Variants in IQGAP3 observed in about 807,000 individuals in gnomAD.
The protein encoded by IQGAP3 is ras GTPase-activating-like protein IQGAP3.
Under a neutral mutation model 208.2 loss-of-function variants are expected in IQGAP3, and 165 were observed. The ratio of observed to expected loss-of-function variants is 0.79; its 90% confidence interval spans 0.70 to 0.90. IQGAP3 has a LOEUF of 0.90. Among genes scored for constraint, IQGAP3 ranks in the 40% least tolerant of loss-of-function variants. IQGAP3 has a pLI of 0.00. For missense variants in IQGAP3, 1,811 were observed against 2,043.1 expected (o/e 0.89, Z 2.19); for synonymous variants, 703 against 803.6 (o/e 0.87, Z 2.12).
intron 25 of IQGAP3, 85 bp downstream of exon 25, chr1:156,539,289 C>A: frequency 7.5e-7 from 1 of 1,325,040 alleles, no homozygotes; most frequent in Non-Finnish European, 1.1e-6. Flanking sequence ...CCTTAGGCCT[C>A]AACAAGTTGT....
At chr1:156,526,696 T>A in intron 37 of IQGAP3, 97 bp from the exon 38 acceptor site, 1 of 793,838 alleles carries the variant, frequency 1.3e-6, no homozygotes, top group Non-Finnish European at 2.2e-6. Flanking sequence ...CCTTCTGCAG[T>A]CACCAGTGGC....
Position 156,561,848 on chromosome 1 carries a change from T to C in IQGAP3, c.1031A>G (p.Gln344Arg), listed in dbSNP as rs1399332324. 4 of 1,613,994 alleles carry C rather than the reference T, an allele frequency of 2.5e-6. No individual in the cohort carries two copies. Among genetic ancestry groups the C allele is most frequent in the Non-Finnish European group, 3.4e-6 (4 of 1,179,990 alleles). The change falls in exon 10 of 38, where the codon CAG (glutamine) becomes CGG (arginine). Residue 344 changes from glutamine to arginine, a missense_variant. Transcript: ENST00000361170. ...TAGACAGAGGCTAACCTGTGCCTTCTGCTCTCTGTCTGAGTTCAGCTGCTC... is the reference window on the plus strand; with the variant it reads ...TAGACAGAGGCTAACCTGTGCCTTCCGCTCTCTGTCTGAGTTCAGCTGCTC... ...YLEQLNSDREQKAQELGLVEL... is the reference protein window; with the variant it reads ...YLEQLNSDRERKAQELGLVEL...
intron 19 of IQGAP3, among the ~76,000 whole-genome samples, chr1:156,545,171 C>G (rs375237901): frequency 6.6e-6 from 1 of 152,164 alleles, no homozygotes; most frequent in Non-Finnish European, 1.5e-5. Flanking sequence ...AGGGCCCAAC[C>G]GACGTCTGCA....
At chr1:156,565,555 A>T (rs1386646515) in intron 4 of IQGAP3, among the ~76,000 whole-genome samples, 1 of 152,234 alleles carries the variant, frequency 6.6e-6, no homozygotes, top group Non-Finnish European at 1.5e-5. Context: ...TCTTCCTGAC[A>T]ACACTGTAAG....
intron 19 of IQGAP3, among the ~76,000 whole-genome samples, chr1:156,546,797 C>A (rs754957558): frequency 6.6e-6 from 1 of 152,164 alleles, no homozygotes; most frequent in Non-Finnish European, 1.5e-5. Context: ...TCAATTACCC[C>A]CCAACACCCT....
rs10611202 is a variant in IQGAP3 at position 156,525,729 on chromosome 1, C to CAAAAAAAAAAAA, written c.*745_*756dup. 4 of 80,406 alleles carry CAAAAAAAAAAAA rather than the reference C, an allele frequency of 5.0e-5. No homozygotes were observed. The highest frequency in any genetic ancestry group is 1.6e-4 in the Admixed American group (1 of 6,084). The allele number at this position is 80,406 out of a possible 1,614,324, so 5.0% of individuals were successfully genotyped here. A position where few individuals can be genotyped will look rare whatever the true frequency, so the allele number is the denominator to read the frequency against. On this transcript the variant is annotated 3_prime_UTR_variant, in exon 38 of 38. Transcript: ENST00000361170. ...GGAAAATGAGAACTCTCTTTGAGCT[C>CAAAAAAAAAAAA]AAAAAAAAAAAAAAAAAAAAAAAAA...
intron 37 of IQGAP3, 77 bp from the exon 38 acceptor site, chr1:156,526,676 C>T (rs1674081009): frequency 2.1e-6 from 2 of 945,616 alleles, no homozygotes; most frequent in Non-Finnish European, 3.4e-6. Context: ...AAAACACTCA[C>T]ATCATGGGGC....
intron 33 of IQGAP3, among the ~76,000 whole-genome samples, chr1:156,530,698 T>C (rs1444915897): frequency 6.6e-6 from 1 of 152,220 alleles, no homozygotes; most frequent in Non-Finnish European, 1.5e-5. Context: ...CTGTCTGTTC[T>C]GTTTTGGGAC....
At chr1:156,541,454 T>A (rs892837861) in intron 22 of IQGAP3, among the ~76,000 whole-genome samples, 1 of 152,078 alleles carries the variant, frequency 6.6e-6, no homozygotes, top group African/African-American at 2.4e-5. Context: ...GTGATTCTCC[T>A]TGAATCACCT....
In IQGAP3 at chr1:156,533,057, C is replaced by G; in HGVS notation, c.4026G>C (p.Val1342=). The change falls in exon 32 of 38, where the codon GTG becomes GTC. Residue 1342 remains valine (V), a synonymous_variant. Coordinates refer to ENST00000361170, the MANE Select transcript of IQGAP3 (RefSeq NM_178229.5). ...CAAACTTGTTGGTCAGCGTCAGGGA[C>G]ACTTCTAGCTTGCTCAGGTCCGTGT... The part of the protein sequence containing the change: ...DGHTDLSKLE[V]SLTLTNKFEG... 1.2e-6 allele frequency: 2 copies of G among 1,614,092 alleles called. No homozygotes were observed. The highest frequency in any genetic ancestry group is 2.7e-5 in the African/African-American group (2 of 75,028).
intron 19 of IQGAP3, 139 bp from the exon 20 acceptor site, chr1:156,544,611 G>A: frequency 1.4e-6 from 1 of 705,848 alleles, no homozygotes; most frequent in South Asian, 1.7e-5. Flanking sequence ...AAGTGGCCCT[G>A]TTCTCAAAGA....
intron 11 of IQGAP3, 115 bp from the exon 12 acceptor site, chr1:156,556,808 C>A: frequency 4.0e-6 from 4 of 994,300 alleles, no homozygotes; most frequent in South Asian, 1.9e-5. Context: ...TTTCCAACTG[C>A]TCTCAAAAAT....
Position 156,548,348 on chromosome 1 carries a change from C to T in IQGAP3, c.2133G>A (p.Gln711=), listed in dbSNP as rs796350910. The T allele has an allele frequency of 3.1e-6, 5 of 1,613,326 alleles. No homozygotes were observed. In the African/African-American group the frequency reaches 4.0e-5, roughly 13 times the overall value. Residue 711 remains glutamine (Q), a splice_region_variant and synonymous_variant, in exon 18 of 38, where the codon CAG becomes CAA. Transcript: ENST00000361170. ...NTSHLTREEI[Q]SAVTKVTAAY... is the part of the protein sequence containing the mutation. ...CTACCCTTGCAGGGGCTCTGCCAAC[C>T]TGGATCTCCTCCCGGGTCAGGTGAG...
chr1:156,566,457 C>A lies in IQGAP3; in HGVS notation c.215G>T (p.Gly72Val). ...AACCACGGAGGGTGCAAAACAGTGG[C>A]CTAGCTTGGCCAGCAGCACTCCATT... ...LRNGVLLAKLGHCFAPSVVPL... is the reference protein window; with the variant it reads ...LRNGVLLAKLVHCFAPSVVPL... The change falls in exon 3 of 38, where the codon GGC (glycine) becomes GTC (valine). Residue 72 changes from glycine (G) to valine (V), a missense_variant. Coordinates refer to ENST00000361170, the MANE Select transcript of IQGAP3 (RefSeq NM_178229.5). 1.2e-6 allele frequency: 2 copies of A among 1,614,134 alleles called. No individual in the cohort carries two copies. Among genetic ancestry groups the A allele is most frequent in the Non-Finnish European group, 1.7e-6 (2 of 1,180,010 alleles).
rs139328016 is a variant in IQGAP3, at chr1:156,534,217, A to G, written c.3741-76T>C. On this transcript the variant is annotated intron_variant, in intron 29 of 37. Coordinates refer to ENST00000361170, the MANE Select transcript of IQGAP3 (RefSeq NM_178229.5). Reference sequence around the variant, plus strand: ...CATCTTCTGTCCCCATCATTTCCCCAGCCTTCTCCAGTGATTGCTCAGGCC... The same window carrying G: ...CATCTTCTGTCCCCATCATTTCCCCGGCCTTCTCCAGTGATTGCTCAGGCC... 25 of 1,595,896 alleles carry G rather than the reference A, an allele frequency of 1.6e-5. No homozygotes were observed. In the East Asian group the frequency reaches 5.4e-4, roughly 34 times the overall value.
Position 156,525,951 on chromosome 1 carries a change from C to G in IQGAP3, c.*535G>C, listed in dbSNP as rs1674028532. ...ACAATGCCACATGGGCACTAACACA[C>G]ACTGCATCCCCCCAGTCCCTGCCCA... On this transcript the variant is annotated 3_prime_UTR_variant, in exon 38 of 38. Coordinates refer to ENST00000361170, the MANE Select transcript of IQGAP3 (RefSeq NM_178229.5). 2 of 157,622 alleles carry G rather than the reference C, an allele frequency of 1.3e-5. No individual in the cohort carries two copies. The allele number at this position is 157,622 out of a possible 1,614,324, so 9.8% of individuals were successfully genotyped here.
chr1:156,562,124 G>A, intron 9 of IQGAP3, 123 bp from the exon 10 acceptor site: 1 of 921,926 alleles, frequency 1.1e-6, no homozygotes, highest in Non-Finnish European at 1.6e-6. Context: ...TTTCCCCCTT[G>A]GTTCCTGGGC....
At chr1:156,555,137 G>A (rs545343288) in intron 12 of IQGAP3, among the ~76,000 whole-genome samples, 103 of 152,168 alleles carry the variant, frequency 6.8e-4, no homozygotes, top group African/African-American at 2.3e-3. Flanking sequence ...GCACTGCACC[G>A]CACACCCAAG....
chr1:156,565,392 C>T (rs1332679947), intron 4 of IQGAP3, among the ~76,000 whole-genome samples: 1 of 152,202 alleles, frequency 6.6e-6, no homozygotes, highest in East Asian at 1.9e-4. Context: ...TGCCTCCCAT[C>T]GAAGTGTCTT....
Sources: allele counts gnomAD v4.1 joint callset (sites outside exome capture counted in the v4.1 genomes callset), GRCh38; gene constraint gnomAD v4.1.1; transcripts MANE v1.5; gene names NCBI Gene and HGNC (gene_info 2026-07-23, HGNC 2026-07-21).